The following CLVS1 variants were observed in gnomAD, a reference collection of about 807,000 sequenced individuals.
CLVS1 encodes clavesin-1.
Under a neutral mutation model 33.1 loss-of-function variants are expected in CLVS1, and 10 were observed. The observed-to-expected ratio is 0.30, with a 90% CI of 0.19 to 0.51. The LOEUF (loss-of-function observed/expected upper bound fraction) is 0.51, where lower values mean the gene tolerates loss of function less well. Among genes scored for constraint, CLVS1 ranks in the 20% least tolerant of loss-of-function variants. The pLI is 0.97. For missense variants in CLVS1, 343 were observed against 433.4 expected (o/e 0.79, Z 1.85); for synonymous variants, 163 against 166.1 (o/e 0.98, Z 0.14).
intron 2 of CLVS1, among the ~76,000 whole-genome samples, chr8:61,371,694 C>T (rs1475783579): frequency 6.6e-6 from 1 of 152,174 alleles, no homozygotes; most frequent in Non-Finnish European, 1.5e-5. Context: ...AATTTGAATA[C>T]TTTCTCATTG....
In CLVS1 at chr8:61,458,354, C is replaced by T. The variant is rs924787343; in HGVS notation, c.789C>T (p.His263=). The T allele has an allele frequency of 1.2e-6, 2 of 1,614,140 alleles. No individual in the cohort carries two copies. Among genetic ancestry groups the T allele is most frequent in the Non-Finnish European group, 1.7e-6 (2 of 1,180,000 alleles). The part of the protein sequence containing the change: ...NNLNSLHQLI[H]PEFLPSEFGG... The stretch of plus-strand genomic sequence containing the variant: ...TAAACAGCCTTCACCAGCTAATACA[C>T]CCTGAATTTTTGCCCTCTGAATTTG... Residue 263 remains histidine, a synonymous_variant, in exon 5 of 6, where the codon CAC becomes CAT. Coordinates refer to ENST00000325897, the MANE Select transcript of CLVS1 (RefSeq NM_173519.3).
intron 3 of CLVS1, among the ~76,000 whole-genome samples, chr8:61,420,583 C>A (rs1005605008): frequency 6.6e-6 from 1 of 151,252 alleles, no homozygotes; most frequent in Non-Finnish European, 1.5e-5. Flanking sequence ...GCCTGGGCAA[C>A]AGAGCGAGAT....
the CLVS1 span, among the ~76,000 whole-genome samples, chr8:61,048,572 G>A: frequency 6.6e-6 from 1 of 152,174 alleles, no homozygotes; most frequent in Non-Finnish European, 1.5e-5. Flanking sequence ...GCTGATGGGA[G>A]CAGCTTTGCC....
At chr8:61,398,250 T>C (rs1258748682) in intron 3 of CLVS1, among the ~76,000 whole-genome samples, 2 of 151,098 alleles carry the variant, frequency 1.3e-5, no homozygotes, top group Non-Finnish European at 2.9e-5. Context: ...GGTGTGATCA[T>C]GGCTCACTGC....
intron 2 of CLVS1, among the ~76,000 whole-genome samples, chr8:61,243,108 A>G (rs60739455): frequency 0.14 from 22,001 of 152,200 alleles, 3,349 homozygotes; most frequent in East Asian, 0.68. Context: ...TGCTCAGAAG[A>G]GTATTCATTT....
the CLVS1 span, among the ~76,000 whole-genome samples, chr8:60,978,847 A>AAAT: frequency 1.3e-5 from 2 of 151,744 alleles, no homozygotes; most frequent in Non-Finnish European, 2.9e-5. Flanking sequence ...ATAACTAAAA[A>AAAT]AATACAGGGA....
At chr8:61,146,930 A>T (rs965034912) in intron 2 of CLVS1, among the ~76,000 whole-genome samples, 1 of 152,244 alleles carries the variant, frequency 6.6e-6, no homozygotes, top group Admixed American at 6.5e-5. Context: ...TACAGTCTTT[A>T]GTTAAAGACA....
the CLVS1 span, among the ~76,000 whole-genome samples, chr8:61,006,705 A>G: frequency 2.0e-5 from 3 of 152,200 alleles, no homozygotes; most frequent in South Asian, 2.1e-4. Context: ...TCTATATAAA[A>G]CAGAAAAACA....
chr8:61,060,015 G>A (rs60368896), intron 1 of CLVS1, among the ~76,000 whole-genome samples: 187 of 152,180 alleles, frequency 1.2e-3, no homozygotes, highest in African/African-American at 4.3e-3. Flanking sequence ...CTTTGATCAT[G>A]CTGGTGAGGA....
At chr8:61,361,289 A>C (rs1812968854) in intron 2 of CLVS1, among the ~76,000 whole-genome samples, 1 of 152,212 alleles carries the variant, frequency 6.6e-6, no homozygotes, top group African/African-American at 2.4e-5. Flanking sequence ...TCAAGCTTTC[A>C]ATGATGACTA....
intron 2 of CLVS1, among the ~76,000 whole-genome samples, chr8:61,206,554 C>T (rs927608383): frequency 6.6e-6 from 1 of 151,862 alleles, no homozygotes. Context: ...TACTGCCTTA[C>T]AGCATTTATC....
chr8:61,337,999 C>T (rs1349284338), intron 2 of CLVS1, among the ~76,000 whole-genome samples: 3 of 152,182 alleles, frequency 2.0e-5, no homozygotes, highest in Non-Finnish European at 4.4e-5. Context: ...ACATGATCTC[C>T]TCGCTTCCAG....
intron 1 of CLVS1, among the ~76,000 whole-genome samples, chr8:61,125,692 C>T (rs916909747): frequency 6.6e-6 from 1 of 152,160 alleles, no homozygotes; most frequent in Non-Finnish European, 1.5e-5. Flanking sequence ...TGAAGAACTC[C>T]ACTGTTTTAT....
At chr8:61,229,799 T>G (rs1302802567) in intron 2 of CLVS1, among the ~76,000 whole-genome samples, 2 of 152,080 alleles carry the variant, frequency 1.3e-5, no homozygotes, top group African/African-American at 4.8e-5. Flanking sequence ...CCTGGTTAAT[T>G]TTTGTATTTT....
intron 2 of CLVS1, among the ~76,000 whole-genome samples, chr8:61,136,252 G>A (rs931008431): frequency 1.1e-4 from 16 of 152,180 alleles, no homozygotes; most frequent in Admixed American, 7.9e-4. Flanking sequence ...TGAGGTCAAG[G>A]GAGGCTGGAG....
intron 2 of CLVS1, among the ~76,000 whole-genome samples, chr8:61,236,820 C>T (rs188285117): frequency 6.6e-6 from 1 of 152,224 alleles, no homozygotes; most frequent in East Asian, 1.9e-4. Context: ...AGTCGCTTCC[C>T]CAGGTCACAG....
intron 2 of CLVS1, among the ~76,000 whole-genome samples, chr8:61,346,115 A>G (rs1032090172): frequency 2.0e-5 from 3 of 152,168 alleles, no homozygotes; most frequent in Non-Finnish European, 4.4e-5. Context: ...AAATAAATGA[A>G]CTTCCAATTT....
chr8:61,306,571 T>G (rs1033393265), intron 2 of CLVS1, among the ~76,000 whole-genome samples: 3 of 152,192 alleles, frequency 2.0e-5, no homozygotes, highest in African/African-American at 7.2e-5. Flanking sequence ...TCAGGTTAAT[T>G]CCATATGCTG....
intron 2 of CLVS1, among the ~76,000 whole-genome samples, chr8:61,332,290 G>A (rs1811628992): frequency 6.6e-6 from 1 of 152,124 alleles, no homozygotes; most frequent in Admixed American, 6.5e-5. Flanking sequence ...CCCTCAGACA[G>A]TAGATTCTTC....
Sources: allele counts gnomAD v4.1 joint callset (sites outside exome capture counted in the v4.1 genomes callset), GRCh38; gene constraint gnomAD v4.1.1; transcripts MANE v1.5; gene names NCBI Gene and HGNC (gene_info 2026-07-23, HGNC 2026-07-21).